Variants in ZNF292 observed in about 807,000 individuals in gnomAD.
The protein encoded by ZNF292 is 16 zinc-finger domain protein.
ZNF292 carries 26 observed loss-of-function variants against 217.9 expected under a neutral mutation model. The ratio of observed to expected loss-of-function variants is 0.12; its 90% CI spans 0.09 to 0.17. ZNF292 has a LOEUF of 0.17. Ranked by LOEUF, ZNF292 falls within the 10% of genes least tolerant of loss-of-function variation. The pLI is 1.00. For missense variants in ZNF292, 2,904 were observed against 3,175.2 expected (o/e 0.91, Z 2.05); for synonymous variants, 1,257 against 1,124.1 (o/e 1.12, Z -2.37).
chr6:87,187,853 A>G (rs900121896), intron 1 of ZNF292, among the ~76,000 whole-genome samples: 3 of 152,180 alleles, frequency 2.0e-5, no homozygotes, highest in Non-Finnish European at 4.4e-5. Context: ...GACCCCAGGC[A>G]TGTAAATTAA....
chr6:87,173,288 A>G (rs977791421), intron 1 of ZNF292: 1 of 152,210 alleles, frequency 6.6e-6, no homozygotes, highest in Non-Finnish European at 1.5e-5. Flanking sequence ...ATCATTCAAA[A>G]CATTTATTCA....
At chr6:87,215,142 G>A (rs1282344426) in intron 1 of ZNF292, 3 of 151,864 alleles carry the variant, frequency 2.0e-5, no homozygotes, top group Non-Finnish European at 2.9e-5. Flanking sequence ...GAACCTTTTA[G>A]GTAAGAGTCT....
Position 87,259,313 on chromosome 6 carries a change from A to G in ZNF292, c.5684A>G (p.Asn1895Ser), listed in dbSNP as rs1253476655. ...PVSEMINIQF[N>S]DKVNKPFVCQ... The stretch of plus-strand genomic sequence containing the variant: ...TCTGAAATGATAAACATTCAATTTA[A>G]TGACAAAGTTAATAAACCCTTTGTG... The change falls in exon 8 of 8, where the codon AAT (asparagine) becomes AGT (serine). Residue 1895 changes from asparagine to serine, a missense_variant. Physicochemically the swap from Asn to Ser is conservative, Grantham distance 46. Transcript: ENST00000369577. 1.2e-6 allele frequency: 2 copies of G among 1,613,434 alleles called. No individual in the cohort carries two copies. Among genetic ancestry groups the G allele is most frequent in the Non-Finnish European group, 1.7e-6 (2 of 1,179,642 alleles).
chr6:87,229,689 G>T (rs964024695), intron 4 of ZNF292, among the ~76,000 whole-genome samples: 1 of 152,156 alleles, frequency 6.6e-6, no homozygotes, highest in Admixed American at 6.5e-5. Flanking sequence ...GCCTCCCAAA[G>T]TGCTGGGATT....
In ZNF292 at chr6:87,255,408, A is replaced by G; in HGVS notation, c.1779A>G (p.Lys593=). 1.2e-6 allele frequency: 2 copies of G among 1,613,818 alleles called. No individual in the cohort carries two copies. Among genetic ancestry groups the G allele is most frequent in the East Asian group, 2.2e-5 (1 of 44,868 alleles). The change falls in exon 8 of 8, where the codon AAA becomes AAG. Residue 593 remains lysine, a synonymous_variant. Coordinates refer to ENST00000369577, the MANE Select transcript of ZNF292 (RefSeq NM_015021.3). ...TCCCTCATGTCACACTGCATGTTAA[A>G]CAATCTAGTAAAGAGAGACTAGCAG... ...TFVPHVTLHV[K]QSSKERLAAM...
At chr6:87,219,937 C>T (rs1772995310) in intron 4 of ZNF292, among the ~76,000 whole-genome samples, 1 of 152,184 alleles carries the variant, frequency 6.6e-6, no homozygotes, top group Admixed American at 6.5e-5. Context: ...GTGATCCTTT[C>T]AGCCTCCTGA....
chr6:87,257,056 A>C lies in ZNF292; in HGVS notation c.3427A>C (p.Asn1143His), dbSNP rs757753623. ...QRKSKKGQKA[N>H]NLNTPNNGKF... ...CAAAAGTAAAAAAGGTCAGAAAGCT[A>C]ACAACTTAAATACACCAAATAATGG... Residue 1143 changes from asparagine (N) to histidine (H), a missense_variant, in exon 8 of 8, where the codon AAC becomes CAC. By Grantham distance (68) the Asn-to-His change is moderately conservative. Around this residue, in one of 15 missense-constraint regions of ZNF292, gnomAD observed 687 missense variants for 623.0 expected, o/e 1.10. Coordinates refer to ENST00000369577, the MANE Select transcript of ZNF292 (RefSeq NM_015021.3). 71 of 1,613,770 alleles carry C rather than the reference A, an allele frequency of 4.4e-5. No individual in the cohort carries two copies. Among genetic ancestry groups the C allele is most frequent in the Non-Finnish European group, 6.8e-6 (8 of 1,179,846 alleles).
chr6:87,260,157 A>C lies in ZNF292; in HGVS notation c.6528A>C (p.Val2176=). The C allele has an allele frequency of 6.2e-7, 1 of 1,613,134 alleles. No homozygotes were observed. The highest frequency in any genetic ancestry group is 1.3e-5 in the African/African-American group (1 of 75,024). Residue 2176 remains valine, a synonymous_variant, in exon 8 of 8, where the codon GTA becomes GTC. Coordinates refer to ENST00000369577, the MANE Select transcript of ZNF292 (RefSeq NM_015021.3). ...KQTLKEFRCQ[V]SDCSRIFQAI... is the part of the protein sequence containing the mutation. ...CTTTGAAAGAATTTCGATGTCAGGT[A>C]AGTGACTGTTCTCGAATTTTCCAAG...
At chr6:87,227,940 A>C (rs1773441131) in intron 4 of ZNF292, among the ~76,000 whole-genome samples, 2 of 152,196 alleles carry the variant, frequency 1.3e-5, no homozygotes, top group South Asian at 4.1e-4. Flanking sequence ...GCCTGCTTTC[A>C]GTTCTTCTGG....
At position 87,256,098 on chromosome 6, in the gene ZNF292, G is replaced by T. The variant is rs1562182524; in HGVS notation, c.2469G>T (p.Glu823Asp). The change falls in exon 8 of 8, where the codon GAG becomes GAT. Residue 823 changes from glutamate to aspartate, a missense_variant. Coordinates refer to ENST00000369577, the MANE Select transcript of ZNF292 (RefSeq NM_015021.3). ...GTAAAGTTTATCGTTCTCAGGGTGA[G>T]CTGGAAAAGCATCTGGATGATCACA... Reference protein sequence around the residue: ...GCGKVYRSQGELEKHLDDHST... With the variant: ...GCGKVYRSQGDLEKHLDDHST... 6.2e-7 allele frequency: 1 copy of T among 1,613,318 alleles called. No homozygotes were observed. Among genetic ancestry groups the T allele is most frequent in the South Asian group, 1.1e-5 (1 of 91,002 alleles).
intron 4 of ZNF292, among the ~76,000 whole-genome samples, chr6:87,227,166 A>C (rs963367584): frequency 1.1e-4 from 17 of 152,218 alleles, no homozygotes; most frequent in African/African-American, 4.1e-4. Context: ...TCTTCAGGAA[A>C]GGGTAAGAGG....
At chr6:87,204,449 AAT>A (rs1375132164) in intron 1 of ZNF292, among the ~76,000 whole-genome samples, 2 of 152,012 alleles carry the variant, frequency 1.3e-5, no homozygotes, top group African/African-American at 4.8e-5. Flanking sequence ...TTAGGAAAAA[AAT>A]GTCTTTGTAC....
intron 1 of ZNF292, among the ~76,000 whole-genome samples, chr6:87,203,018 T>C (rs1314585368): frequency 3.3e-5 from 5 of 152,124 alleles, no homozygotes; most frequent in South Asian, 4.1e-4. Context: ...TCTTGGAATT[T>C]ATCCCCCATG....
rs776589422 is a variant in ZNF292 at position 87,258,851 on chromosome 6, A to ATTC, written c.5224_5226dup (p.Ser1742dup). 7 of 1,610,520 alleles carry ATTC rather than the reference A, an allele frequency of 4.3e-6. No homozygotes were observed. In the East Asian group the frequency reaches 1.1e-4, roughly 26 times the overall value. ...TTGAATTCATGCACAACTTCAATAA[A>ATTC]TTCTGATTTGCAGATTTCTGAAGAC... On this transcript the variant is annotated inframe_insertion, in exon 8 of 8. Transcript: ENST00000369577.
rs968571846 is a variant in ZNF292, at chr6:87,170,420, A to C, written c.168+14661A>C. The C allele has an allele frequency of 3.3e-5, 5 of 152,372 alleles. No homozygotes were observed. In the East Asian group the frequency reaches 9.6e-4, roughly 29 times the overall value. 9.4% of individuals were successfully genotyped at this position (152,372 alleles called of 1,614,324 possible). A position where few individuals can be genotyped will look rare whatever the true frequency, so the allele number is the denominator to read the frequency against. ...TTTTGTAGAAAGCATTTCTGAATGC[A>C]TGTGTCATAAAACTGCTTCTTTAGT... On this transcript the variant is annotated intron_variant, in intron 1 of 7. Transcript: ENST00000369577.
At chr6:87,227,816 C>A (rs533769342) in intron 4 of ZNF292, among the ~76,000 whole-genome samples, 34 of 152,226 alleles carry the variant, frequency 2.2e-4, no homozygotes, top group African/African-American at 8.2e-4. Context: ...TATGTTTATA[C>A]CACATTTTGT....
intron 5 of ZNF292, 184 bp downstream of exon 5, chr6:87,233,711 A>G (rs1272112966): frequency 1.1e-6 from 1 of 906,346 alleles, no homozygotes; most frequent in East Asian, 1.2e-4. Context: ...ATGTAAACTG[A>G]TTGCACCTAG....
At chr6:87,245,332 T>C (rs935029194) in intron 6 of ZNF292, among the ~76,000 whole-genome samples, 171 bp from the exon 7 acceptor site, 4 of 152,202 alleles carry the variant, frequency 2.6e-5, no homozygotes, top group Non-Finnish European at 5.9e-5. Context: ...ATATTCTGAT[T>C]TTATTTGGTA....
chr6:87,257,379 T>C lies in ZNF292; in HGVS notation c.3750T>C (p.Val1250=). 1.2e-6 allele frequency: 2 copies of C among 1,613,682 alleles called. No homozygotes were observed. The highest frequency in any genetic ancestry group is 1.7e-6 in the Non-Finnish European group (2 of 1,179,766). Residue 1250 remains valine (V), a synonymous_variant, in exon 8 of 8, where the codon GTT becomes GTC. Coordinates refer to ENST00000369577, the MANE Select transcript of ZNF292 (RefSeq NM_015021.3). ...AAATGGAAGATCTAACCAAAACAGT[T>C]CTGCCTTTGAATATTGACAGTGGCT... ...PAQMEDLTKT[V]LPLNIDSGSD... is the part of the protein sequence containing the mutation.
Sources: allele counts gnomAD v4.1 joint callset (sites outside exome capture counted in the v4.1 genomes callset), GRCh38; gene constraint gnomAD v4.1.1; regional missense constraint gnomAD v4.1.1; transcripts MANE v1.5; gene names NCBI Gene and HGNC (gene_info 2026-07-23, HGNC 2026-07-21).